RAPGEF6: variants seen among roughly 807,000 people sequenced by gnomAD.
The protein encoded by RAPGEF6 is Rap guanine nucleotide exchange factor 6, also known as PDZ domain containing guanine nucleotide exchange factor (GEF) 2.
Under a neutral mutation model 171.4 loss-of-function variants are expected in RAPGEF6, and 56 were observed. The ratio of observed to expected loss-of-function variants is 0.33; its 90% CI spans 0.26 to 0.41. The LOEUF is 0.41. RAPGEF6 is among the 10% of genes least tolerant of loss of function. The pLI is 1.00. For missense variants in RAPGEF6, 1,674 were observed against 1,921.4 expected (o/e 0.87, Z 2.41); for synonymous variants, 692 against 650.1 (o/e 1.06, Z -0.98).
In RAPGEF6 at chr5:131,492,697, T is replaced by C. The variant is rs1364057200; in HGVS notation, c.1616A>G (p.Glu539Gly). The change falls in exon 14 of 28, where the codon GAG (glutamate) becomes GGG (glycine). Residue 539 changes from glutamate (E) to glycine (G), a missense_variant. By Grantham distance (98) the Glu-to-Gly change is moderately conservative. This residue lies in a region of RAPGEF6 where 1,116 missense variants were observed against 1,321.5 expected (regional missense o/e 0.84). Coordinates refer to ENST00000509018, the MANE Select transcript of RAPGEF6 (RefSeq NM_016340.6). ...ATTAAGGCTGAATTGTAGAGGGGACTCGCGGGAAGCCTTTTGCAGCACAAC... is the reference window on the plus strand; with the variant it reads ...ATTAAGGCTGAATTGTAGAGGGGACCCGCGGGAAGCCTTTTGCAGCACAAC... ...RQVVLQKASRESPLQFSLNGG... is the reference protein window; with the variant it reads ...RQVVLQKASRGSPLQFSLNGG... 1 of 1,614,018 alleles carries C rather than the reference T, an allele frequency of 6.2e-7. No individual in the cohort carries two copies. Among genetic ancestry groups the C allele is most frequent in the Non-Finnish European group, 8.5e-7 (1 of 1,179,990 alleles).
intron 20 of RAPGEF6, among the ~76,000 whole-genome samples, chr5:131,453,841 G>A (rs938045144): frequency 3.9e-5 from 6 of 152,096 alleles, no homozygotes; most frequent in Non-Finnish European, 8.8e-5. Context: ...TAATCATGAC[G>A]AATACTCTCA....
chr5:131,612,563 A>C (rs890807513), intron 1 of RAPGEF6, among the ~76,000 whole-genome samples: 1 of 152,174 alleles, frequency 6.6e-6, no homozygotes, highest in African/African-American at 2.4e-5. Context: ...CCAACCACTG[A>C]GTTAGGTGTA....
chr5:131,533,212 A>ACACACACACC (rs1347157434), intron 6 of RAPGEF6, among the ~76,000 whole-genome samples: 1 of 142,202 alleles, frequency 7.0e-6, no homozygotes, highest in African/African-American at 2.6e-5. Context: ...ACACACACAC[A>ACACACACACC]CCCCATCCTC....
chr5:131,619,793 C>T (rs1765497160), intron 1 of RAPGEF6, among the ~76,000 whole-genome samples: 1 of 152,142 alleles, frequency 6.6e-6, no homozygotes, highest in Non-Finnish European at 1.5e-5. Flanking sequence ...TCTGGATTCT[C>T]GTCTTAATGA....
intron 5 of RAPGEF6, among the ~76,000 whole-genome samples, chr5:131,551,227 T>C (rs1375876980): frequency 6.6e-6 from 1 of 152,124 alleles, no homozygotes; most frequent in Non-Finnish European, 1.5e-5. Flanking sequence ...AAAAGTTAAT[T>C]CACAGGCTGG....
chr5:131,433,505 A>T lies in RAPGEF6; in HGVS notation c.3899T>A (p.Val1300Asp). The T allele has an allele frequency of 6.2e-7, 1 of 1,613,912 alleles. No individual in the cohort carries two copies. The highest frequency in any genetic ancestry group is 8.5e-7 in the Non-Finnish European group (1 of 1,179,838). ...DERCSSQALA[V>D]PESTGALEKT... is the part of the protein sequence containing the mutation. The stretch of plus-strand genomic sequence containing the variant: ...TTCCAATGCCCCAGTGGATTCAGGG[A>T]CTGCCAGGGCCTGAGAGGAACACCG... The change falls in exon 25 of 28, where the codon GTC (valine) becomes GAC (aspartate). Residue 1300 changes from valine to aspartate, a missense_variant. Val to Asp is a radical substitution (Grantham distance 152, BLOSUM62 -3). Coordinates refer to ENST00000509018, the MANE Select transcript of RAPGEF6 (RefSeq NM_016340.6).
intron 24 of RAPGEF6, chr5:131,435,673 C>T (rs1018589068): frequency 1.8e-5 from 6 of 341,556 alleles, no homozygotes; most frequent in African/African-American, 8.7e-5. Context: ...ATCAAAGATA[C>T]GTAAAAAGTA....
intron 1 of RAPGEF6, among the ~76,000 whole-genome samples, chr5:131,614,295 A>AAAAAAAAG (rs1765135148): frequency 6.8e-6 from 1 of 146,270 alleles, no homozygotes; most frequent in African/African-American, 2.5e-5. Flanking sequence ...AAAAAAAAAA[A>AAAAAAAAG]AAAAAAAGAA....
At chr5:131,610,984 G>A (rs779898979) in intron 1 of RAPGEF6, among the ~76,000 whole-genome samples, 1 of 152,166 alleles carries the variant, frequency 6.6e-6, no homozygotes, top group Non-Finnish European at 1.5e-5. Flanking sequence ...CTTCCCATGC[G>A]ATACTCCCAA....
At chr5:131,550,298 C>A (rs1760839245) in intron 5 of RAPGEF6, among the ~76,000 whole-genome samples, 1 of 152,150 alleles carries the variant, frequency 6.6e-6, no homozygotes, top group Non-Finnish European at 1.5e-5. Context: ...CCACAACGGA[C>A]CTCTAATGTT....
At chr5:131,570,262 C>T (rs1369234767) in intron 4 of RAPGEF6, among the ~76,000 whole-genome samples, 1 of 152,118 alleles carries the variant, frequency 6.6e-6, no homozygotes, top group African/African-American at 2.4e-5. Flanking sequence ...TCACTCATCA[C>T]TACTGAACTA....
intron 11 of RAPGEF6, among the ~76,000 whole-genome samples, chr5:131,502,386 T>A (rs1757082943): frequency 6.6e-6 from 1 of 152,198 alleles, no homozygotes; most frequent in African/African-American, 2.4e-5. Flanking sequence ...CTCCACCAAA[T>A]ATTTATCAGT....
intron 21 of RAPGEF6, among the ~76,000 whole-genome samples, chr5:131,448,593 A>G (rs1181109497): frequency 6.6e-6 from 1 of 152,242 alleles, no homozygotes; most frequent in Non-Finnish European, 1.5e-5. Context: ...CTTAGTTAAT[A>G]TAAAAAAGTA....
At chr5:131,552,942 T>C (rs952814819) in intron 5 of RAPGEF6, among the ~76,000 whole-genome samples, 3 of 152,220 alleles carry the variant, frequency 2.0e-5, no homozygotes, top group East Asian at 3.9e-4. Context: ...TCCAATATAC[T>C]GAAAGTATTA....
chr5:131,556,630 C>A (rs1761253300), intron 5 of RAPGEF6, among the ~76,000 whole-genome samples: 1 of 151,990 alleles, frequency 6.6e-6, no homozygotes, highest in African/African-American at 2.4e-5. Flanking sequence ...AATTTTTTCT[C>A]CTTTTGAATT....
At chr5:131,555,640 C>A (rs776497605) in intron 5 of RAPGEF6, among the ~76,000 whole-genome samples, 6 of 151,788 alleles carry the variant, frequency 4.0e-5, no homozygotes, top group Non-Finnish European at 8.8e-5. Flanking sequence ...ATAAATATTA[C>A]CTATACATAT....
At chr5:131,439,833 A>G (rs1017740635) in intron 23 of RAPGEF6, 118 bp from the exon 24 acceptor site, 1 of 1,442,638 alleles carries the variant, frequency 6.9e-7, no homozygotes, top group Non-Finnish European at 9.2e-7. Context: ...GTCAACTGAA[A>G]TGTGTAAATG....
chr5:131,589,206 A>C (rs1763444370), intron 4 of RAPGEF6, among the ~76,000 whole-genome samples: 1 of 152,234 alleles, frequency 6.6e-6, no homozygotes, highest in Admixed American at 6.5e-5. Flanking sequence ...AAGGCAAGAA[A>C]TACTGAATGG....
chr5:131,602,850 C>T (rs1203724054), intron 3 of RAPGEF6, among the ~76,000 whole-genome samples: 1 of 152,048 alleles, frequency 6.6e-6, no homozygotes, highest in African/African-American at 2.4e-5. Flanking sequence ...TATTTGCACA[C>T]AATTATATAT....
Sources: allele counts gnomAD v4.1 joint callset (sites outside exome capture counted in the v4.1 genomes callset), GRCh38; gene constraint gnomAD v4.1.1; regional missense constraint gnomAD v4.1.1; transcripts MANE v1.5; gene names NCBI Gene and HGNC (gene_info 2026-07-23, HGNC 2026-07-21).